The following SMG6 variants were observed in gnomAD, a reference collection of about 807,000 sequenced individuals.
SMG6 encodes SMG6 nonsense mediated mRNA decay factor, also known as telomerase-binding protein EST1A.
Under a neutral mutation model 142.2 loss-of-function variants are expected in SMG6, and 66 were observed. The observed-to-expected ratio is 0.46, with a 90% CI of 0.38 to 0.57. The LOEUF (loss-of-function observed/expected upper bound fraction) is 0.57, where lower values mean the gene tolerates loss of function less well. SMG6 is among the 20% of genes least tolerant of loss of function. The pLI is 0.00. For missense variants in SMG6, 1,793 were observed against 1,832.0 expected (o/e 0.98, Z 0.39); for synonymous variants, 779 against 702.4 (o/e 1.11, Z -1.72).
chr17:2,081,812 G>A lies in SMG6; in HGVS notation c.3679C>T (p.Gln1227Ter). The A allele has an allele frequency of 6.2e-7, 1 of 1,613,302 alleles. No homozygotes were observed. Among genetic ancestry groups the A allele is most frequent in the Non-Finnish European group, 8.5e-7 (1 of 1,180,026 alleles). The change falls in exon 15 of 19, where the codon CAG (glutamine) becomes TAG (stop). Residue 1227 changes from glutamine (Q) to a stop codon, truncating the protein, a stop_gained and splice_region_variant. Coordinates refer to ENST00000263073, the MANE Select transcript of SMG6 (RefSeq NM_017575.5). LOFTEE classifies it high-confidence loss of function. ...CACGCTCCCCAGGCCGACTTCACCTGGATCTTTTCCTGGCGACGCTGCTGC... is the reference window on the plus strand; with the variant it reads ...CACGCTCCCCAGGCCGACTTCACCTAGATCTTTTCCTGGCGACGCTGCTGC... ...AEQQRRQEKI[Q>*]AVLEDHSQMR...
rs193011913 is a variant in SMG6, at chr17:2,249,140, G to A, written c.2662-4421C>T. 3.5e-3 allele frequency among the ~76,000 whole-genome samples: 537 copies of A among 151,626 alleles called. 3 individuals are homozygous for A. Among genetic ancestry groups the A allele is most frequent in the Non-Finnish European group, 5.0e-3 (337 of 67,912 alleles). On this transcript the variant is annotated intron_variant, in intron 8 of 18. Transcript: ENST00000263073. ...AATCTCCTGACCTTGTGATCCGCCC[G>A]CCTTGGCCTCCCAAAGTGCTGGGAT...
chr17:2,167,816 C>T (rs574082059), intron 13 of SMG6, among the ~76,000 whole-genome samples: 18 of 152,358 alleles, frequency 1.2e-4, no homozygotes, highest in Non-Finnish European at 2.1e-4. Context: ...ATATGTTTTA[C>T]ATTTCCTAGT....
At position 2,291,223 on chromosome 17, in the gene SMG6, C is replaced by T. The variant is rs984191970; in HGVS notation, c.2337+1329G>A. On this transcript the variant is annotated intron_variant, in intron 6 of 18. Coordinates refer to ENST00000263073, the MANE Select transcript of SMG6 (RefSeq NM_017575.5). ...GCGGGCGCCTGTAGTCCCAGCTACT[C>T]GGGAGGCTGAGGCAGGAGAATGGCG... Among the ~76,000 whole-genome samples, 6 of 151,846 alleles carry T rather than the reference C, an allele frequency of 4.0e-5. No homozygotes were observed. The East Asian group carries it at 7.8e-4, about 20-fold the overall frequency.
At chr17:2,126,975 C>G (rs2069910658) in intron 13 of SMG6, among the ~76,000 whole-genome samples, 1 of 151,826 alleles carries the variant, frequency 6.6e-6, no homozygotes, top group Non-Finnish European at 1.5e-5. Context: ...CGCGTGAACA[C>G]ACGCGTGCAT....
chr17:2,085,974 G>A lies in SMG6; in HGVS notation c.3358-73C>T, dbSNP rs760572334. ...AGATGGAGACGAGATGTTGCTTGCCGGCTGAGGGGCACAGGGGAACTGTGT... is the reference window on the plus strand; with the variant it reads ...AGATGGAGACGAGATGTTGCTTGCCAGCTGAGGGGCACAGGGGAACTGTGT... On this transcript the variant is annotated intron_variant, in intron 13 of 18. Transcript: ENST00000263073. This position sits in a 1 kb window ranked among gnomAD's most constrained non-coding sequence, Gnocchi z 4.1. The A allele has an allele frequency of 1.0e-4, 146 of 1,463,394 alleles. No individual in the cohort carries two copies. The highest frequency in any genetic ancestry group is 1.4e-4 in the Admixed American group (8 of 58,540). 90.7% of individuals were successfully genotyped at this position (1,463,394 alleles called of 1,614,324 possible). A position where few individuals can be genotyped will look rare whatever the true frequency, so the allele number is the denominator to read the frequency against.
At chr17:2,215,140 A>G (rs765688804) in intron 10 of SMG6, among the ~76,000 whole-genome samples, 10 of 152,178 alleles carry the variant, frequency 6.6e-5, no homozygotes, top group Non-Finnish European at 1.2e-4. Flanking sequence ...TTAATTTTCA[A>G]GGACTAATGG....
At chr17:2,210,581 A>G (rs1326376905) in intron 10 of SMG6, among the ~76,000 whole-genome samples, 3 of 151,922 alleles carry the variant, frequency 2.0e-5, no homozygotes, top group African/African-American at 7.2e-5. Context: ...TTTACAATAC[A>G]CCAATGGGGA....
chr17:2,066,701 C>T (rs1488322399), intron 16 of SMG6, among the ~76,000 whole-genome samples: 1 of 71,348 alleles, frequency 1.4e-5, no homozygotes, highest in Non-Finnish European at 3.3e-5. Flanking sequence ...ACACAATGCC[C>T]ATGCTTTCGG....
chr17:2,087,573 A>AC, intron 13 of SMG6: 4 of 1,005,008 alleles, frequency 4.0e-6, no homozygotes, highest in Non-Finnish European at 4.8e-6. Context: ...AGGGCTTAGA[A>AC]AAAGTTCAGC....
intron 10 of SMG6, among the ~76,000 whole-genome samples, chr17:2,190,663 G>A (rs2072131159): frequency 6.6e-6 from 1 of 152,192 alleles, no homozygotes; most frequent in South Asian, 2.1e-4. Context: ...TGGAGACCAG[G>A]CAAGGTAGCA....
At chr17:2,119,148 C>T (rs1230664596) in intron 13 of SMG6, among the ~76,000 whole-genome samples, 1 of 151,616 alleles carries the variant, frequency 6.6e-6, no homozygotes, top group South Asian at 2.1e-4. Context: ...ACCTCCGTCT[C>T]CCGGGTTCAA....
rs772598432 is a variant in SMG6 at position 2,236,628 on chromosome 17, T to C, written c.2733A>G (p.Thr911=). 1.2e-6 allele frequency: 2 copies of C among 1,612,048 alleles called. No homozygotes were observed. Among genetic ancestry groups the C allele is most frequent in the Non-Finnish European group, 1.7e-6 (2 of 1,179,124 alleles). ...GGACCTTCTCAGCCACTGCAGGGAA[T>C]GTCTCCATCCTGCAGATTCAGAAAA... ...GKLFTRIGME[T]FPAVAEKVLK... is the part of the protein sequence containing the mutation. Residue 911 remains threonine, a synonymous_variant, in exon 10 of 19, where the codon ACA becomes ACG. Coordinates refer to ENST00000263073, the MANE Select transcript of SMG6 (RefSeq NM_017575.5).
chr17:2,280,284 AC>A (rs1212493487), intron 8 of SMG6, among the ~76,000 whole-genome samples: 2 of 151,950 alleles, frequency 1.3e-5, no homozygotes, highest in Non-Finnish European at 2.9e-5. Context: ...TTTTTTTGAG[AC>A]AAAGTCTGGC....
chr17:2,166,545 C>A (rs926690797), intron 13 of SMG6, among the ~76,000 whole-genome samples: 2 of 152,182 alleles, frequency 1.3e-5, no homozygotes, highest in African/African-American at 4.8e-5. Context: ...GCAGCCTAGA[C>A]GGCCAGGGCT....
At chr17:2,250,958 T>C (rs1165998879) in intron 8 of SMG6, among the ~76,000 whole-genome samples, 2 of 152,074 alleles carry the variant, frequency 1.3e-5, no homozygotes, top group Non-Finnish European at 2.9e-5. Flanking sequence ...ACCAACAAGA[T>C]AGGGTCTCTG....
rs139724474 is a variant in SMG6 at position 2,218,240 on chromosome 17, G to A, written c.2869+18252C>T. On this transcript the variant is annotated intron_variant, in intron 10 of 18. Coordinates refer to ENST00000263073, the MANE Select transcript of SMG6 (RefSeq NM_017575.5). ...CTGTTATGGTGCAGACAATTCATTC[G>A]TTAGTAAAAAAATAAGATAACCAAA... Among the ~76,000 whole-genome samples, 926 of 151,882 alleles carry A rather than the reference G, an allele frequency of 6.1e-3. 5 individuals carry two copies. Among genetic ancestry groups the A allele is most frequent in the Non-Finnish European group, 0.01 (693 of 67,918 alleles).
At chr17:2,252,857 T>C (rs2074078230) in intron 8 of SMG6, among the ~76,000 whole-genome samples, 1 of 152,104 alleles carries the variant, frequency 6.6e-6, no homozygotes, top group Admixed American at 6.6e-5. Context: ...GGGTCAAATG[T>C]AGCCTGCCAC....
In SMG6 at chr17:2,282,632, T is replaced by C. The variant is rs769122345; in HGVS notation, c.2661+15A>G. The C allele has an allele frequency of 1.9e-6, 3 of 1,613,098 alleles. No individual in the cohort carries two copies. Among genetic ancestry groups the C allele is most frequent in the Admixed American group, 1.7e-5 (1 of 60,004 alleles). On this transcript the variant is annotated intron_variant, in intron 8 of 18. Coordinates refer to ENST00000263073, the MANE Select transcript of SMG6 (RefSeq NM_017575.5). ...TGAGCTAGTTTGGCTCATTGCATCA[T>C]TCTCAGGAACTTACATCACTGGGAC...
intron 9 of SMG6, among the ~76,000 whole-genome samples, chr17:2,239,385 T>C (rs1248737395): frequency 6.6e-6 from 1 of 152,094 alleles, no homozygotes; most frequent in Non-Finnish European, 1.5e-5. Context: ...AGAGAAAACA[T>C]ACAAAAAGTG....
Sources: gnomAD v4.1 joint callset for allele counts (sites outside exome capture counted in the v4.1 genomes callset) on GRCh38, gnomAD v4.1.1 for gene constraint, Gnocchi (gnomAD v3.1) non-coding constraint, MANE v1.5 for transcripts, NCBI Gene and HGNC (gene_info 2026-07-23, HGNC 2026-07-21) for gene names.